The following NR6A1 variants were observed in gnomAD, a reference collection of about 807,000 sequenced individuals.
The protein encoded by NR6A1 is retinoic acid receptor-related testis-associated receptor.
In NR6A1, 7 loss-of-function variants were observed where a neutral mutation model predicts 59.1. The ratio of observed to expected loss-of-function variants is 0.12; its 90% CI spans 0.07 to 0.22. The LOEUF (loss-of-function observed/expected upper bound fraction) is 0.22, where lower values mean the gene tolerates loss of function less well. NR6A1 is among the 10% of genes least tolerant of loss of function. The pLI is 1.00. For synonymous variants in NR6A1, 243 were observed against 236.1 expected, an observed-to-expected ratio of 1.03 and a Z score of -0.27; for missense variants, 468 against 611.6, an observed-to-expected ratio of 0.77 and a Z score of 2.48.
chr9:124,535,228 G>A (rs752601234), intron 7 of NR6A1, among the ~76,000 whole-genome samples: 1 of 152,114 alleles, frequency 6.6e-6, no homozygotes, highest in Non-Finnish European at 1.5e-5. Flanking sequence ...CTCTTGCCTT[G>A]TAGGCAGAAT....
At chr9:124,645,483 G>A (rs953883844) in intron 2 of NR6A1, among the ~76,000 whole-genome samples, 1 of 152,188 alleles carries the variant, frequency 6.6e-6, no homozygotes, top group African/African-American at 2.4e-5. Flanking sequence ...CTGAAAGAAA[G>A]TGGAAGCAGC....
chr9:124,734,430 T>G lies in NR6A1; in HGVS notation c.101-1081A>C, dbSNP rs536121603. Among the ~76,000 whole-genome samples the G allele has an allele frequency of 3.9e-5, 6 of 152,316 alleles. No homozygotes were observed. The East Asian group carries it at 1.2e-3, about 29-fold the overall frequency. ...TCTTGGTGCCGGGTGCAGTGGCTCA[T>G]GCCTGTAATCCCAGCACTCTGGGAG... On this transcript the variant is annotated intron_variant, in intron 1 of 9. Coordinates refer to ENST00000487099, the MANE Select transcript of NR6A1 (RefSeq NM_033334.4).
intron 1 of NR6A1, among the ~76,000 whole-genome samples, chr9:124,749,163 G>A (rs1243985970): frequency 2.0e-5 from 3 of 151,596 alleles, no homozygotes; most frequent in Admixed American, 6.6e-5. Context: ...TAAGGAGGCC[G>A]AGGCAGGAGA....
At chr9:124,643,263 C>T (rs1253145349) in intron 2 of NR6A1, among the ~76,000 whole-genome samples, 2 of 152,038 alleles carry the variant, frequency 1.3e-5, no homozygotes, top group African/African-American at 4.8e-5. Flanking sequence ...GAGCCAAGAC[C>T]AGCCTGGGCA....
intron 2 of NR6A1, among the ~76,000 whole-genome samples, chr9:124,624,701 ATAT>A (rs1244105511): frequency 2.6e-5 from 4 of 152,196 alleles, no homozygotes; most frequent in African/African-American, 9.7e-5. Context: ...GAGATATCAA[ATAT>A]TATTCAGTCA....
chr9:124,617,018 G>T (rs1240551771), intron 2 of NR6A1, among the ~76,000 whole-genome samples: 1 of 152,078 alleles, frequency 6.6e-6, no homozygotes, highest in East Asian at 1.9e-4. Flanking sequence ...ATACGTATAA[G>T]GCACATTTAT....
At chr9:124,756,439 C>T (rs1172478607) in intron 1 of NR6A1, among the ~76,000 whole-genome samples, 1 of 152,204 alleles carries the variant, frequency 6.6e-6, no homozygotes, top group Non-Finnish European at 1.5e-5. Context: ...TCAACATAAA[C>T]TTTAACAATG....
intron 2 of NR6A1, among the ~76,000 whole-genome samples, chr9:124,555,786 T>C (rs1413749405): frequency 6.6e-6 from 1 of 152,258 alleles, no homozygotes; most frequent in Non-Finnish European, 1.5e-5. Flanking sequence ...ATGGTGATTA[T>C]AATAATACCT....
intron 4 of NR6A1, among the ~76,000 whole-genome samples, chr9:124,542,932 A>T (rs1833492757): frequency 6.6e-6 from 1 of 152,170 alleles, no homozygotes; most frequent in Admixed American, 6.5e-5. Flanking sequence ...AGATATATCC[A>T]ATTTTCTACC....
intron 2 of NR6A1, among the ~76,000 whole-genome samples, chr9:124,554,842 C>T (rs1392587220): frequency 6.6e-6 from 1 of 152,170 alleles, no homozygotes; most frequent in Non-Finnish European, 1.5e-5. Context: ...ATCTTTGACT[C>T]CTCTATCACC....
At chr9:124,757,874 G>A (rs1840679377) in intron 1 of NR6A1, among the ~76,000 whole-genome samples, 1 of 152,176 alleles carries the variant, frequency 6.6e-6, no homozygotes, top group Admixed American at 6.5e-5. Context: ...AACTAGCTTT[G>A]GAGAATAAAT....
intron 4 of NR6A1, 118 bp downstream of exon 4, chr9:124,543,684 T>G (rs1470521985): frequency 2.9e-6 from 2 of 689,632 alleles, no homozygotes; most frequent in Non-Finnish European, 4.7e-6. Flanking sequence ...TTTACAGAAA[T>G]GAAAGCAAAG....
intron 2 of NR6A1, among the ~76,000 whole-genome samples, chr9:124,615,947 G>T (rs1588711535): frequency 1.3e-5 from 2 of 152,082 alleles, no homozygotes; most frequent in African/African-American, 4.8e-5. Flanking sequence ...GGCTGGTCTT[G>T]AACTCCTGAC....
intron 3 of NR6A1, among the ~76,000 whole-genome samples, chr9:124,547,698 C>T (rs1833639698): frequency 6.6e-6 from 1 of 152,124 alleles, no homozygotes; most frequent in Non-Finnish European, 1.5e-5. Context: ...AATGCATAAC[C>T]TGCATGTATT....
At chr9:124,526,970 A>T in intron 7 of NR6A1, 70 bp from the exon 8 acceptor site, 1 of 1,565,672 alleles carries the variant, frequency 6.4e-7, no homozygotes. Flanking sequence ...GCAGCCAGAG[A>T]GCTCCTACAG....
chr9:124,745,870 C>T (rs779268559), intron 1 of NR6A1, among the ~76,000 whole-genome samples: 1 of 150,336 alleles, frequency 6.7e-6, no homozygotes, highest in Non-Finnish European at 1.5e-5. Context: ...GCAATTCTCC[C>T]TGCCTACTCA....
chr9:124,526,289 T>C (rs2131321343), intron 8 of NR6A1, among the ~76,000 whole-genome samples: 1 of 103,312 alleles, frequency 9.7e-6, no homozygotes, highest in Non-Finnish European at 1.7e-5. Context: ...TATGTGTGTA[T>C]GTGTGTGTGT....
At chr9:124,730,256 G>GTCT (rs1839844512) in intron 2 of NR6A1, among the ~76,000 whole-genome samples, 1 of 152,104 alleles carries the variant, frequency 6.6e-6, no homozygotes, top group Non-Finnish European at 1.5e-5. Context: ...TTGAGACAGG[G>GTCT]TCTTGCTCTG....
chr9:124,598,769 CT>C, intron 2 of NR6A1: 5 of 909,938 alleles, frequency 5.5e-6, no homozygotes, highest in Non-Finnish European at 8.9e-6. Context: ...GAGCTTCTAG[CT>C]TTTCCGCCAC....
Sources: allele counts gnomAD v4.1 joint callset (sites outside exome capture counted in the v4.1 genomes callset), GRCh38; gene constraint gnomAD v4.1.1; transcripts MANE v1.5; gene names NCBI Gene and HGNC (gene_info 2026-07-23, HGNC 2026-07-21).